Variants in ZSWIM6 observed in about 807,000 individuals in gnomAD.
ZSWIM6 encodes the protein zinc finger SWIM-type containing 6.
Under a neutral mutation model 113.2 loss-of-function variants are expected in ZSWIM6, and 9 were observed. The observed-to-expected ratio is 0.08, with a 90% CI of 0.05 to 0.14. The LOEUF (loss-of-function observed/expected upper bound fraction) is 0.14. ZSWIM6 is among the 10% of genes least tolerant of loss of function. ZSWIM6 has a pLI of 1.00. For synonymous variants in ZSWIM6, 611 were observed against 606.5 expected (o/e 1.01, Z -0.11); for missense variants, 1,162 against 1,552.2 (o/e 0.75, Z 4.22).
At chr5:61,474,851 A>G (rs1747667577) in intron 2 of ZSWIM6, among the ~76,000 whole-genome samples, 3 of 152,202 alleles carry the variant, frequency 2.0e-5, no homozygotes. Flanking sequence ...AAATCTACAT[A>G]GTTGTATTTC....
chr5:61,416,685 A>G (rs566189265), intron 1 of ZSWIM6, among the ~76,000 whole-genome samples: 47 of 152,380 alleles, frequency 3.1e-4, no homozygotes, highest in Admixed American at 3.9e-4. Flanking sequence ...CACTAGCCCC[A>G]GCTAGCTGCC....
intron 1 of ZSWIM6, among the ~76,000 whole-genome samples, chr5:61,407,926 T>C (rs1390166693): frequency 6.6e-6 from 1 of 152,220 alleles, no homozygotes; most frequent in African/African-American, 2.4e-5. Context: ...ACAGTCTCAG[T>C]GGAGGACAGT....
intron 2 of ZSWIM6, 92 bp downstream of exon 2, chr5:61,473,129 A>C (rs1747613937): frequency 1.2e-6 from 1 of 818,802 alleles, no homozygotes; most frequent in East Asian, 2.8e-5. Context: ...ATTAAATGTG[A>C]AATAGATCAT....
At chr5:61,350,227 A>G (rs1321909158) in intron 1 of ZSWIM6, among the ~76,000 whole-genome samples, 1 of 152,102 alleles carries the variant, frequency 6.6e-6, no homozygotes, top group Admixed American at 6.5e-5. Flanking sequence ...CACCTCTTTC[A>G]CTTGTACAAG....
At chr5:61,515,535 G>A (rs1213972111) in intron 4 of ZSWIM6, among the ~76,000 whole-genome samples, 1 of 152,044 alleles carries the variant, frequency 6.6e-6, no homozygotes. Flanking sequence ...ACCTACTCCT[G>A]CGATAACTGA....
At chr5:61,512,917 T>C (rs1748828607) in intron 4 of ZSWIM6, among the ~76,000 whole-genome samples, 1 of 151,966 alleles carries the variant, frequency 6.6e-6, no homozygotes, top group African/African-American at 2.4e-5. Flanking sequence ...TCTGTCTCAT[T>C]ATCAATATCC....
At chr5:61,452,525 A>G (rs972147970) in intron 1 of ZSWIM6, among the ~76,000 whole-genome samples, 1 of 152,190 alleles carries the variant, frequency 6.6e-6, no homozygotes, top group Non-Finnish European at 1.5e-5. Flanking sequence ...TGTGGCTTAG[A>G]TGTTTGTGAC....
chr5:61,359,291 T>C (rs1744983118), intron 1 of ZSWIM6, among the ~76,000 whole-genome samples: 1 of 152,060 alleles, frequency 6.6e-6, no homozygotes, highest in Non-Finnish European at 1.5e-5. Context: ...TAGTGAGAAC[T>C]ACTGTTAAGA....
intron 1 of ZSWIM6, chr5:61,375,528 A>C: frequency 6.4e-7 from 1 of 1,552,110 alleles, no homozygotes; most frequent in Non-Finnish European, 8.7e-7. Context: ...AGAACCGTTC[A>C]CATAAATCTT....
At position 61,541,904 on chromosome 5, in the gene ZSWIM6, A is replaced by G. The variant is rs1749749538; in HGVS notation, c.2724A>G (p.Ser908=). The change falls in exon 13 of 14, where the codon TCA becomes TCG. Residue 908 remains serine (S), a synonymous_variant. Transcript: ENST00000252744. ...LGLQVMRMTL[S]TLNWRRREMV... ...TATAGGTTATGCGAATGACACTGTC[A>G]ACCTTAAATTGGCGACGGCGGGAGA... 6.4e-7 allele frequency: 1 copy of G among 1,551,408 alleles called. No homozygotes were observed. Among genetic ancestry groups the G allele is most frequent in the Non-Finnish European group, 8.7e-7 (1 of 1,146,486 alleles).
intron 1 of ZSWIM6, among the ~76,000 whole-genome samples, chr5:61,383,709 G>A (rs1284754677): frequency 6.6e-6 from 1 of 151,508 alleles, no homozygotes; most frequent in African/African-American, 2.4e-5. Context: ...ACCACGTCCA[G>A]CTAATTTTTG....
intron 4 of ZSWIM6, among the ~76,000 whole-genome samples, chr5:61,497,095 C>T (rs1049214308): frequency 7.1e-6 from 1 of 140,272 alleles, no homozygotes; most frequent in Non-Finnish European, 1.5e-5. Context: ...TGGCAGTGAC[C>T]AGTACACCAG....
chr5:61,486,420 C>T (rs1748024868), intron 2 of ZSWIM6, among the ~76,000 whole-genome samples: 2 of 151,944 alleles, frequency 1.3e-5, no homozygotes, highest in African/African-American at 4.8e-5. Context: ...GTGCAGGTGT[C>T]TTTCATATAA....
rs186652398 is a variant in ZSWIM6 at position 61,341,734 on chromosome 5, A to G, written c.676+8786A>G. Among the ~76,000 whole-genome samples the G allele has an allele frequency of 2.6e-5, 4 of 152,240 alleles. No individual in the cohort carries two copies. The East Asian group carries it at 7.7e-4, about 29-fold the overall frequency. On this transcript the variant is annotated intron_variant, in intron 1 of 13. Coordinates refer to ENST00000252744, the MANE Select transcript of ZSWIM6 (RefSeq NM_020928.2). Reference sequence around the variant, plus strand: ...TATTTGACCAGGTTTTTAAAATATAATTTATTGTTTTTGTCAACGTGCCTC... The same window carrying G: ...TATTTGACCAGGTTTTTAAAATATAGTTTATTGTTTTTGTCAACGTGCCTC...
chr5:61,410,604 G>A (rs565609123), intron 1 of ZSWIM6, among the ~76,000 whole-genome samples: 3 of 152,138 alleles, frequency 2.0e-5, no homozygotes, highest in South Asian at 2.1e-4. Context: ...CACCGTGCCC[G>A]GCGATTTATT....
At chr5:61,342,858 T>A (rs1261457983) in intron 1 of ZSWIM6, among the ~76,000 whole-genome samples, 1 of 152,074 alleles carries the variant, frequency 6.6e-6, no homozygotes, top group Non-Finnish European at 1.5e-5. Context: ...ACGCAAATAA[T>A]CTCCAGAACT....
intron 5 of ZSWIM6, among the ~76,000 whole-genome samples, chr5:61,523,933 A>T (rs1280388807): frequency 6.6e-6 from 1 of 152,364 alleles, no homozygotes; most frequent in East Asian, 1.9e-4. Flanking sequence ...TTAATGTTTT[A>T]TAAAAATGGA....
intron 1 of ZSWIM6, among the ~76,000 whole-genome samples, chr5:61,371,634 C>T (rs930009630): frequency 6.6e-6 from 1 of 152,094 alleles, no homozygotes; most frequent in Non-Finnish European, 1.5e-5. Context: ...ATCTGTACCT[C>T]GGGATCACGT....
chr5:61,517,848 G>A (rs1015712255), intron 4 of ZSWIM6, among the ~76,000 whole-genome samples: 1 of 150,908 alleles, frequency 6.6e-6, no homozygotes, highest in African/African-American at 2.4e-5. Context: ...ACAATGTACA[G>A]GTTAGTTACA....
Sources: gnomAD v4.1 joint callset for allele counts (sites outside exome capture counted in the v4.1 genomes callset) on GRCh38, gnomAD v4.1.1 for gene constraint, MANE v1.5 for transcripts, NCBI Gene and HGNC (gene_info 2026-07-23, HGNC 2026-07-21) for gene names.